Variants in ELF1 observed in about 807,000 individuals in gnomAD.
ELF1 encodes the protein ETS-related transcription factor Elf-1.
Under a neutral mutation model 59.9 loss-of-function variants are expected in ELF1, and 24 were observed. That is an observed-to-expected ratio of 0.40 (90% CI 0.29 to 0.56). ELF1 has a LOEUF of 0.56. Among genes scored for constraint, ELF1 ranks in the 20% least tolerant of loss-of-function variants. ELF1 has a pLI of 0.44. For synonymous variants in ELF1, 248 were observed against 266.2 expected (o/e 0.93, Z 0.67); for missense variants, 627 against 742.2 (o/e 0.84, Z 1.80).
At chr13:41,003,661 A>C (rs1481194853) in intron 1 of ELF1, among the ~76,000 whole-genome samples, 4 of 152,204 alleles carry the variant, frequency 2.6e-5, no homozygotes, top group Non-Finnish European at 5.9e-5. Context: ...AAAGTAATAA[A>C]GAGAATTATT....
At chr13:41,024,517 A>C (rs1419299862) in intron 1 of ELF1, among the ~76,000 whole-genome samples, 2 of 151,962 alleles carry the variant, frequency 1.3e-5, no homozygotes, top group Non-Finnish European at 2.9e-5. Flanking sequence ...TTTCTGGCTA[A>C]TTTTGTATTT....
upstream of ELF1, among the ~76,000 whole-genome samples, chr13:41,023,891 G>A (rs1008121960): frequency 1.3e-5 from 2 of 152,232 alleles, no homozygotes; most frequent in African/African-American, 4.8e-5. Flanking sequence ...GGGGAAAAAT[G>A]TAGCATATCA....
intron 1 of ELF1, among the ~76,000 whole-genome samples, chr13:41,028,795 G>A (rs533482767): frequency 6.5e-4 from 99 of 152,158 alleles, no homozygotes; most frequent in African/African-American, 2.2e-3. Flanking sequence ...GTGAAGTGGC[G>A]CAATCTTGGT....
At chr13:40,972,543 T>C (rs1028738587) in intron 2 of ELF1, among the ~76,000 whole-genome samples, 2 of 152,218 alleles carry the variant, frequency 1.3e-5, no homozygotes, top group Non-Finnish European at 2.9e-5. Context: ...CCCAGTTGGA[T>C]AATAGAGATT....
At chr13:40,952,403 C>T (rs996869777) in intron 3 of ELF1, among the ~76,000 whole-genome samples, 3 of 151,470 alleles carry the variant, frequency 2.0e-5, no homozygotes, top group Non-Finnish European at 4.4e-5. Context: ...ACCCTGTCTC[C>T]CAGGCTAGAG....
intron 1 of ELF1, among the ~76,000 whole-genome samples, chr13:41,028,557 T>G (rs1367739594): frequency 1.3e-5 from 2 of 152,200 alleles, no homozygotes; most frequent in Non-Finnish European, 2.9e-5. Flanking sequence ...CCTGACCAGT[T>G]AGGGAAATGA....
intron 8 of ELF1, among the ~76,000 whole-genome samples, chr13:40,937,626 C>T (rs551460269): frequency 7.9e-5 from 12 of 152,014 alleles, no homozygotes; most frequent in Admixed American, 1.3e-4. Flanking sequence ...CCCGCCACTA[C>T]GCCTAGCTAA....
rs1199281539 is a variant in ELF1 at position 40,982,099 on chromosome 13, G to A, written c.-45C>T. ...ATCCACATGAGAAAAATTCCAAGAA[G>A]ATTCACGTATCAGGCAGCAAAATCC... On this transcript the variant is annotated 5_prime_UTR_variant, in exon 2 of 9. Coordinates refer to ENST00000239882, the MANE Select transcript of ELF1 (RefSeq NM_172373.4). 1.3e-6 allele frequency: 2 copies of A among 1,593,528 alleles called. No homozygotes were observed. The highest frequency in any genetic ancestry group is 4.6e-5 in the East Asian group (2 of 43,950).
At chr13:40,994,910 A>T (rs1281159905) in intron 1 of ELF1, among the ~76,000 whole-genome samples, 2 of 152,204 alleles carry the variant, frequency 1.3e-5, no homozygotes, top group Non-Finnish European at 2.9e-5. Context: ...CTGAGAATAC[A>T]GCAGATTCCC....
At chr13:41,040,614 C>T (rs922424196) in intron 1 of ELF1, among the ~76,000 whole-genome samples, 1 of 152,094 alleles carries the variant, frequency 6.6e-6, no homozygotes, top group Admixed American at 6.6e-5. Flanking sequence ...ACCTAGATCC[C>T]TCACATGTAC....
At chr13:40,992,410 A>T (rs1431908264) in intron 1 of ELF1, among the ~76,000 whole-genome samples, 1 of 152,210 alleles carries the variant, frequency 6.6e-6, no homozygotes, top group Non-Finnish European at 1.5e-5. Flanking sequence ...ATAGAAACAC[A>T]ATCTGTTTAT....
chr13:41,051,732 T>C (rs890026795), intron 1 of ELF1, among the ~76,000 whole-genome samples: 2 of 152,212 alleles, frequency 1.3e-5, no homozygotes, highest in African/African-American at 4.8e-5. Flanking sequence ...AAAAAGTCAC[T>C]AGGCTAGGCA....
intron 2 of ELF1, among the ~76,000 whole-genome samples, chr13:40,972,494 G>C (rs992874663): frequency 7.9e-5 from 12 of 152,136 alleles, no homozygotes; most frequent in Non-Finnish European, 5.9e-5. Flanking sequence ...TGTATAACTG[G>C]TATGCAAGTC....
chr13:41,011,998 T>C (rs1875090933), intron 1 of ELF1, among the ~76,000 whole-genome samples: 1 of 152,098 alleles, frequency 6.6e-6, no homozygotes, highest in South Asian at 2.1e-4. Context: ...AAATAAACTA[T>C]AGCTTACAGA....
In ELF1 at chr13:40,951,602, T is replaced by C. The variant is rs904033624; in HGVS notation, c.254-166A>G. On this transcript the variant is annotated intron_variant, in intron 3 of 8. Coordinates refer to ENST00000239882, the MANE Select transcript of ELF1 (RefSeq NM_172373.4). ...ATCATACCAAACCTGGCTGGCGCAGTGGCTCATTCCTGTAATCCCGCACTT... is the reference window on the plus strand; with the variant it reads ...ATCATACCAAACCTGGCTGGCGCAGCGGCTCATTCCTGTAATCCCGCACTT... The C allele has an allele frequency of 6.4e-5, 28 of 439,630 alleles. No homozygotes were observed. In the South Asian group the frequency reaches 1.5e-3, roughly 23 times the overall value. The allele number at this position is 439,630 out of a possible 1,614,324, so 27.2% of individuals were successfully genotyped here.
At chr13:40,987,942 A>G (rs546605184) in intron 1 of ELF1, among the ~76,000 whole-genome samples, 46 of 152,350 alleles carry the variant, frequency 3.0e-4, no homozygotes, top group Non-Finnish European at 5.9e-4. Flanking sequence ...TTGAAAAAAT[A>G]TAACAGAAAT....
At position 40,982,195 on chromosome 13, in the gene ELF1, G is replaced by A. The variant is rs1253766742; in HGVS notation, c.-141C>T. 3.8e-6 allele frequency: 5 copies of A among 1,307,736 alleles called. No homozygotes were observed. The East Asian group carries it at 1.2e-4, about 31-fold the overall frequency. 81.0% of individuals were successfully genotyped at this position (1,307,736 alleles called of 1,614,324 possible). A position where few individuals can be genotyped will look rare whatever the true frequency, so the allele number is the denominator to read the frequency against. ...ATTGTATACCCAAGTTTTCTTTAGG[G>A]AAGGTGCTTCAGTTTTCCTGGTTCA... On this transcript the variant is annotated 5_prime_UTR_variant, in exon 2 of 9. Transcript: ENST00000239882.
chr13:40,976,994 T>G (rs975005116), intron 2 of ELF1, among the ~76,000 whole-genome samples: 5 of 152,126 alleles, frequency 3.3e-5, no homozygotes, highest in African/African-American at 1.2e-4. Context: ...GTCACCAAAC[T>G]TCTCTCTAGT....
At chr13:41,026,290 T>C (rs1875904415) in intron 1 of ELF1, among the ~76,000 whole-genome samples, 1 of 152,184 alleles carries the variant, frequency 6.6e-6, no homozygotes. Context: ...ATCTGGCTCC[T>C]CCTACTACCA....
Sources: gnomAD v4.1 joint callset for allele counts (sites outside exome capture counted in the v4.1 genomes callset) on GRCh38, gnomAD v4.1.1 for gene constraint, MANE v1.5 for transcripts, NCBI Gene and HGNC (gene_info 2026-07-23, HGNC 2026-07-21) for gene names.